STXBP5L: variants seen among roughly 807,000 people sequenced by gnomAD.
STXBP5L encodes the protein syntaxin-binding protein 5-like.
A neutral mutation model predicts 144.5 loss-of-function variants in STXBP5L; 65 were observed. The ratio of observed to expected loss-of-function variants is 0.45; its 90% CI spans 0.37 to 0.55. STXBP5L has a LOEUF of 0.55. STXBP5L is among the 20% of genes least tolerant of loss of function. The probability of loss-of-function intolerance (pLI) is 0.00; values close to 1 mark genes in which losing one functional copy is unlikely to be tolerated. For missense variants in STXBP5L, 1,298 were observed against 1,405.5 expected, an observed-to-expected ratio of 0.92 and a Z score of 1.22; for synonymous variants, 505 against 469.6, an observed-to-expected ratio of 1.08 and a Z score of -0.97.
Position 121,052,384 on chromosome 3 carries a change from A to T in STXBP5L, c.470+6849A>T, listed in dbSNP as rs1001101962. On this transcript the variant is annotated intron_variant, in intron 5 of 26. Coordinates refer to ENST00000471454, the MANE Select transcript of STXBP5L (RefSeq NM_001308330.2). ...AAACAGAATCCAGCAGCACATCAAAAAGCTTATCCACCATGATCAAGTGGG... is the reference window on the plus strand; with the variant it reads ...AAACAGAATCCAGCAGCACATCAAATAGCTTATCCACCATGATCAAGTGGG... Among the ~76,000 whole-genome samples, 6 of 152,294 alleles carry T rather than the reference A, an allele frequency of 3.9e-5. No individual in the cohort carries two copies. The South Asian group carries it at 6.2e-4, about 16-fold the overall frequency.
chr3:121,254,745 C>G (rs1027992111), intron 15 of STXBP5L, 150 bp from the exon 16 acceptor site: 2 of 638,096 alleles, frequency 3.1e-6, no homozygotes, highest in East Asian at 5.6e-5. Flanking sequence ...GATATGAAAG[C>G]GTGGCATTGA....
chr3:121,340,837 C>G (rs1378832467), intron 20 of STXBP5L, among the ~76,000 whole-genome samples: 1 of 151,838 alleles, frequency 6.6e-6, no homozygotes, highest in East Asian at 1.9e-4. Flanking sequence ...ATAGAAACAA[C>G]AAAAAGTTAA....
intron 5 of STXBP5L, among the ~76,000 whole-genome samples, chr3:121,054,995 G>T (rs902887343): frequency 3.3e-5 from 5 of 152,140 alleles, no homozygotes; most frequent in African/African-American, 1.2e-4. Context: ...TTGATTAGTG[G>T]TGATGATTTC....
At chr3:121,029,762 A>AT (rs1409078620) in intron 3 of STXBP5L, among the ~76,000 whole-genome samples, 8 of 152,066 alleles carry the variant, frequency 5.3e-5, no homozygotes, top group African/African-American at 1.4e-4. Context: ...GAATGGGAGA[A>AT]TTTTTTTTGA....
intron 9 of STXBP5L, among the ~76,000 whole-genome samples, chr3:121,177,466 T>G (rs1323631187): frequency 6.6e-6 from 1 of 152,144 alleles, no homozygotes; most frequent in African/African-American, 2.4e-5. Context: ...AATGGACATT[T>G]CTTCAAAGAA....
intron 7 of STXBP5L, among the ~76,000 whole-genome samples, chr3:121,152,012 G>A (rs1030034543): frequency 6.6e-6 from 1 of 151,680 alleles, no homozygotes; most frequent in African/African-American, 2.4e-5. Flanking sequence ...TCTTCAGAGG[G>A]TTCATAAAAC....
At chr3:121,356,048 A>G (rs2045500277) in intron 20 of STXBP5L, among the ~76,000 whole-genome samples, 1 of 152,122 alleles carries the variant, frequency 6.6e-6, no homozygotes, top group South Asian at 2.1e-4. Flanking sequence ...TTGCTGCCTA[A>G]TCCTTCCTCT....
chr3:121,129,911 T>C (rs2044895116), intron 7 of STXBP5L, among the ~76,000 whole-genome samples: 1 of 152,216 alleles, frequency 6.6e-6, no homozygotes, highest in South Asian at 2.1e-4. Context: ...TCTTAGGGTC[T>C]GGGGCATACA....
At chr3:121,339,307 A>G (rs1335506237) in intron 20 of STXBP5L, among the ~76,000 whole-genome samples, 2 of 152,212 alleles carry the variant, frequency 1.3e-5, no homozygotes, top group Non-Finnish European at 2.9e-5. Context: ...AAACAGAATT[A>G]AAAACAAAAA....
intron 5 of STXBP5L, among the ~76,000 whole-genome samples, chr3:121,050,586 A>T (rs1947893680): frequency 6.6e-6 from 1 of 152,192 alleles, no homozygotes; most frequent in Non-Finnish European, 1.5e-5. Flanking sequence ...TGAAGGAAGC[A>T]CTAAACATGG....
chr3:121,087,524 A>C lies in STXBP5L; in HGVS notation c.471-27401A>C, dbSNP rs562686388. On this transcript the variant is annotated intron_variant, in intron 5 of 26. Coordinates refer to ENST00000471454, the MANE Select transcript of STXBP5L (RefSeq NM_001308330.2). ...CTAGTGATTCATGTTTGCACGATAT[A>C]TCTTTGTCTATTCTTATACTTTAAA... Among the ~76,000 whole-genome samples the C allele has an allele frequency of 3.5e-4, 53 of 152,218 alleles. No individual in the cohort carries two copies. The South Asian group carries it at 9.9e-3, about 29-fold the overall frequency.
intron 20 of STXBP5L, among the ~76,000 whole-genome samples, chr3:121,375,185 A>G (rs2046147212): frequency 6.6e-6 from 1 of 152,216 alleles, no homozygotes; most frequent in African/African-American, 2.4e-5. Context: ...CAAAAAAAGA[A>G]AACTTAATGA....
At chr3:121,321,029 C>G (rs1486185846) in intron 20 of STXBP5L, among the ~76,000 whole-genome samples, 1 of 152,154 alleles carries the variant, frequency 6.6e-6, no homozygotes, top group Non-Finnish European at 1.5e-5. Context: ...AAAGCAGACT[C>G]AGAAAACTGT....
chr3:121,183,586 AAAGG>A (rs2047244656), intron 9 of STXBP5L, among the ~76,000 whole-genome samples: 1 of 146,494 alleles, frequency 6.8e-6, no homozygotes, highest in South Asian at 2.2e-4. Context: ...AAATTGAAAG[AAAGG>A]AAGAAAGAAA....
At chr3:121,380,842 G>A (rs545845009) in intron 21 of STXBP5L, among the ~76,000 whole-genome samples, 13 of 152,206 alleles carry the variant, frequency 8.5e-5, no homozygotes, top group Non-Finnish European at 1.6e-4. Context: ...ATCCTGATAA[G>A]CCCTTTCATG....
intron 22 of STXBP5L, among the ~76,000 whole-genome samples, chr3:121,383,613 G>T (rs142731665): frequency 1.3e-3 from 195 of 152,168 alleles, no homozygotes; most frequent in Non-Finnish European, 2.4e-3. Context: ...TCCCATGTTT[G>T]TTCTGTAATT....
intron 20 of STXBP5L, among the ~76,000 whole-genome samples, chr3:121,338,256 A>C (rs951697102): frequency 1.3e-5 from 2 of 152,180 alleles, no homozygotes; most frequent in African/African-American, 4.8e-5. Flanking sequence ...CAATAGATCA[A>C]CAAAACAAAA....
intron 20 of STXBP5L, among the ~76,000 whole-genome samples, chr3:121,376,787 G>A (rs1020631376): frequency 1.3e-5 from 2 of 152,044 alleles, no homozygotes; most frequent in African/African-American, 4.8e-5. Context: ...AGCTTGATGG[G>A]AATAGCATTG....
At chr3:121,141,623 A>G (rs60648200) in intron 7 of STXBP5L, among the ~76,000 whole-genome samples, 38,277 of 152,032 alleles carry the variant, frequency 0.25, 4,976 homozygotes, top group African/African-American at 0.28. Flanking sequence ...TTGTGACAAC[A>G]ATACTATAAA....
Sources: allele counts gnomAD v4.1 joint callset (sites outside exome capture counted in the v4.1 genomes callset), GRCh38; gene constraint gnomAD v4.1.1; transcripts MANE v1.5; gene names NCBI Gene and HGNC (gene_info 2026-07-23, HGNC 2026-07-21).